The following THADA variants were observed in gnomAD, a reference collection of about 807,000 sequenced individuals.
The protein encoded by THADA is tRNA (32-2'-O)-methyltransferase regulator THADA.
Under a neutral mutation model 219.8 loss-of-function variants are expected in THADA, and 213 were observed. The ratio of observed to expected loss-of-function variants is 0.97; its 90% CI spans 0.87 to 1.09. The LOEUF (loss-of-function observed/expected upper bound fraction) is 1.09, where lower values mean the gene tolerates loss of function less well. Among genes scored for constraint, THADA ranks in the 50% least tolerant of loss-of-function variants. The pLI is 0.00. For missense variants in THADA, 2,956 were observed against 2,311.3 expected, an observed-to-expected ratio of 1.28 and a Z score of -5.72; for synonymous variants, 1,018 against 828.9, an observed-to-expected ratio of 1.23 and a Z score of -3.92.
intron 36 of THADA, among the ~76,000 whole-genome samples, chr2:43,235,210 C>T (rs1667895265): frequency 6.6e-6 from 1 of 152,092 alleles, no homozygotes; most frequent in South Asian, 2.1e-4. Context: ...GAACTCCTGA[C>T]CTCAAGTGAT....
intron 36 of THADA, among the ~76,000 whole-genome samples, chr2:43,237,198 C>CCTCA (rs891976914): frequency 1.3e-5 from 2 of 151,808 alleles, no homozygotes; most frequent in African/African-American, 4.8e-5. Flanking sequence ...AGAAACACAC[C>CCTCA]CTCACATTTA....
intron 29 of THADA, among the ~76,000 whole-genome samples, chr2:43,357,441 A>C (rs1668993388): frequency 6.6e-6 from 1 of 152,230 alleles, no homozygotes; most frequent in Non-Finnish European, 1.5e-5. Context: ...GAGTTGGGCA[A>C]AACCACGACT....
At chr2:43,557,101 A>C (rs978200708) in intron 16 of THADA, among the ~76,000 whole-genome samples, 1 of 152,010 alleles carries the variant, frequency 6.6e-6, no homozygotes, top group African/African-American at 2.4e-5. Context: ...GAAAAAAAAC[A>C]AAACAAAACA....
chr2:43,433,835 G>A (rs1034551819), intron 26 of THADA, among the ~76,000 whole-genome samples: 13 of 151,968 alleles, frequency 8.6e-5, no homozygotes, highest in Admixed American at 2.6e-4. Context: ...CTACAGGTGC[G>A]CACCACCACA....
intron 26 of THADA, among the ~76,000 whole-genome samples, chr2:43,483,113 T>C (rs1355869482): frequency 6.6e-6 from 1 of 152,174 alleles, no homozygotes; most frequent in Non-Finnish European, 1.5e-5. Context: ...ATTTCCAAAT[T>C]GCGAGCAGGA....
chr2:43,563,457 A>AATAATCTAC (rs1437228522), intron 15 of THADA: 1 of 152,168 alleles, frequency 6.6e-6, no homozygotes, highest in African/African-American at 2.4e-5. Context: ...CTTGTACATA[A>AATAATCTAC]ATAATCTACA....
intron 24 of THADA, among the ~76,000 whole-genome samples, chr2:43,501,981 C>A (rs1689053686): frequency 6.6e-6 from 1 of 151,094 alleles, no homozygotes; most frequent in South Asian, 2.1e-4. Flanking sequence ...TGGTTTTGCT[C>A]CAAAGATAGA....
At chr2:43,384,680 T>C (rs889032275) in intron 29 of THADA, among the ~76,000 whole-genome samples, 1 of 152,188 alleles carries the variant, frequency 6.6e-6, no homozygotes, top group Admixed American at 6.5e-5. Context: ...TAAGAAAAAT[T>C]TGGGGCTGGA....
intron 24 of THADA, among the ~76,000 whole-genome samples, chr2:43,504,392 C>T (rs184160204): frequency 1.7e-3 from 252 of 152,286 alleles, no homozygotes; most frequent in Admixed American, 1.6e-3. Context: ...CTCCCTTTAT[C>T]TAACACTTTG....
intron 12 of THADA, among the ~76,000 whole-genome samples, chr2:43,572,418 G>C (rs1006154093): frequency 6.6e-6 from 1 of 152,032 alleles, no homozygotes; most frequent in Non-Finnish European, 1.5e-5. Flanking sequence ...TGCTCATTTG[G>C]GTCCCTCCAT....
intron 25 of THADA, among the ~76,000 whole-genome samples, chr2:43,497,743 G>T (rs766149446): frequency 7.9e-5 from 12 of 152,066 alleles, no homozygotes; most frequent in Non-Finnish European, 1.3e-4. Flanking sequence ...AAATTAGCTG[G>T]GTGTGGTGGC....
intron 15 of THADA, chr2:43,565,299 C>A (rs987839759): frequency 6.6e-6 from 1 of 151,892 alleles, no homozygotes; most frequent in Non-Finnish European, 1.5e-5. Flanking sequence ...TTAACCTGGG[C>A]GTGGTGGCAC....
At chr2:43,287,862 G>C (rs1674228661) in intron 34 of THADA, among the ~76,000 whole-genome samples, 1 of 152,206 alleles carries the variant, frequency 6.6e-6, no homozygotes, top group African/African-American at 2.4e-5. Flanking sequence ...ACTAGAAGTA[G>C]TATCTGTGCA....
chr2:43,591,728 C>A (rs966290610), intron 3 of THADA, among the ~76,000 whole-genome samples: 1 of 151,984 alleles, frequency 6.6e-6, no homozygotes, highest in African/African-American at 2.4e-5. Flanking sequence ...TATCTTCTAC[C>A]TTATCTGTTT....
intron 31 of THADA, among the ~76,000 whole-genome samples, chr2:43,296,516 T>A (rs1675408245): frequency 6.6e-6 from 1 of 152,082 alleles, no homozygotes; most frequent in African/African-American, 2.4e-5. Context: ...CCTCAGGTGA[T>A]CTGCCCGCCT....
At chr2:43,299,403 A>G (rs1280250589) in intron 31 of THADA, among the ~76,000 whole-genome samples, 3 of 152,222 alleles carry the variant, frequency 2.0e-5, no homozygotes, top group African/African-American at 7.2e-5. Context: ...TCACGCCTGT[A>G]ATCCCAGCAC....
In THADA at chr2:43,525,749, GAATGTAATAAAATGT is replaced by G. The variant is rs558331012; in HGVS notation, c.3374+2115_3374+2129del. ...CCAAATTGTTGAGATACAAAACCAT[GAATGTAATAAAATGT>G]GTCCACAGCTTTCCTTCTAAGCATA... On this transcript the variant is annotated intron_variant, in intron 22 of 37. Transcript: ENST00000405975. Among the ~76,000 whole-genome samples, 28 of 152,314 alleles carry G rather than the reference GAATGTAATAAAATGT, an allele frequency of 1.8e-4. No individual in the cohort carries two copies. In the South Asian group the frequency reaches 5.4e-3, roughly 29 times the overall value.
intron 26 of THADA, among the ~76,000 whole-genome samples, chr2:43,456,292 C>T (rs901223676): frequency 2.0e-5 from 3 of 152,188 alleles, no homozygotes; most frequent in Admixed American, 2.0e-4. Context: ...TATCTGACTA[C>T]ATTCAGCCTA....
chr2:43,584,037 TAAAAAAAAAA>T (rs536050936), intron 7 of THADA, among the ~76,000 whole-genome samples: 2 of 65,614 alleles, frequency 3.0e-5, no homozygotes, highest in African/African-American at 5.9e-5. Flanking sequence ...TTGTCTCAAT[TAAAAAAAAAA>T]AAAAAAAAAA....
Sources: allele counts gnomAD v4.1 joint callset (sites outside exome capture counted in the v4.1 genomes callset), GRCh38; gene constraint gnomAD v4.1.1; transcripts MANE v1.5; gene names NCBI Gene and HGNC (gene_info 2026-07-23, HGNC 2026-07-21).